Variants in MSANTD4 observed in about 807,000 individuals in gnomAD.
MSANTD4 encodes Myb/SANT DNA binding domain containing 4 with coiled-coils.
MSANTD4 carries 13 observed loss-of-function variants against 34.3 expected under a neutral mutation model. The observed-to-expected ratio is 0.38, with a 90% CI of 0.25 to 0.60. The LOEUF is 0.60. Among genes scored for constraint, MSANTD4 ranks in the 20% least tolerant of loss-of-function variants. MSANTD4 has a pLI of 0.63. For synonymous variants in MSANTD4, 137 were observed against 145.2 expected, an observed-to-expected ratio of 0.94 and a Z score of 0.41; for missense variants, 358 against 401.8, an observed-to-expected ratio of 0.89 and a Z score of 0.93.
chr11:106,009,030 A>G lies in MSANTD4; in HGVS notation c.*505T>C, dbSNP rs567989487. 6.5e-6 allele frequency: 1 copy of G among 153,396 alleles called. No individual in the cohort carries two copies. The highest frequency in any genetic ancestry group is 6.5e-5 in the Admixed American group (1 of 15,422). 9.5% of individuals were successfully genotyped at this position (153,396 alleles called of 1,614,324 possible). On this transcript the variant is annotated 3_prime_UTR_variant, in exon 3 of 3. Coordinates refer to ENST00000301919, the MANE Select transcript of MSANTD4 (RefSeq NM_032424.3). ...AACTATAAAACATAGCTATAGAGGT[A>G]CACAGTTAGGCTAGGACAGGGTTTC...
At position 106,009,379 on chromosome 11, in the gene MSANTD4, A is replaced by G; in HGVS notation, c.*156T>C. The G allele has an allele frequency of 3.0e-6, 2 of 663,972 alleles. No individual in the cohort carries two copies. The highest frequency in any genetic ancestry group is 5.1e-6 in the Non-Finnish European group (2 of 394,406). 41.1% of individuals were successfully genotyped at this position (663,972 alleles called of 1,614,324 possible). A position where few individuals can be genotyped will look rare whatever the true frequency, so the allele number is the denominator to read the frequency against. On this transcript the variant is annotated 3_prime_UTR_variant, in exon 3 of 3. Transcript: ENST00000301919. Reference sequence around the variant, plus strand: ...TTACGCTAGGGCACAGCTTTTATATACTACTTAGGCATACAGTTATCCACA... The same window carrying G: ...TTACGCTAGGGCACAGCTTTTATATGCTACTTAGGCATACAGTTATCCACA...
intron 1 of MSANTD4, among the ~76,000 whole-genome samples, chr11:106,011,984 T>G (rs1468598040): frequency 6.6e-6 from 1 of 152,134 alleles, no homozygotes; most frequent in African/African-American, 2.4e-5. Context: ...ACAGAAATCC[T>G]AAATTTCGAA....
At chr11:106,017,653 G>C (rs1859890989) in intron 1 of MSANTD4, among the ~76,000 whole-genome samples, 1 of 151,804 alleles carries the variant, frequency 6.6e-6, no homozygotes, top group Non-Finnish European at 1.5e-5. Context: ...AAATATTTAT[G>C]GACAAATTAT....
chr11:106,012,965 T>C (rs1238346916), intron 1 of MSANTD4, among the ~76,000 whole-genome samples: 3 of 152,186 alleles, frequency 2.0e-5, no homozygotes, highest in East Asian at 3.9e-4. Context: ...AGATGGTGAG[T>C]GAGTCAGGGA....
chr11:106,017,173 A>G (rs966097214), intron 1 of MSANTD4, among the ~76,000 whole-genome samples: 1 of 152,252 alleles, frequency 6.6e-6, no homozygotes, highest in African/African-American at 2.4e-5. Flanking sequence ...GTCTTAGCAC[A>G]TAATCCCCAC....
chr11:106,012,338 C>T (rs1859721513), intron 1 of MSANTD4, among the ~76,000 whole-genome samples: 1 of 152,130 alleles, frequency 6.6e-6, no homozygotes, highest in Non-Finnish European at 1.5e-5. Flanking sequence ...CAAAACCAGG[C>T]TGGACTATAT....
At chr11:106,016,106 C>A (rs1859838225) in intron 1 of MSANTD4, among the ~76,000 whole-genome samples, 1 of 152,168 alleles carries the variant, frequency 6.6e-6, no homozygotes, top group South Asian at 2.1e-4. Context: ...GATCCTCCTG[C>A]CTTAGCCTCC....
chr11:106,012,414 T>C (rs1859723591), intron 1 of MSANTD4, among the ~76,000 whole-genome samples: 2 of 152,222 alleles, frequency 1.3e-5, no homozygotes, highest in South Asian at 4.1e-4. Flanking sequence ...CAGTACTTTG[T>C]ATTTTTCTGG....
At chr11:106,013,964 T>C (rs1439135938) in intron 1 of MSANTD4, among the ~76,000 whole-genome samples, 3 of 152,230 alleles carry the variant, frequency 2.0e-5, no homozygotes, top group Non-Finnish European at 4.4e-5. Context: ...AAGGTCCAGA[T>C]AAAATTCTTT....
At chr11:106,012,279 C>T (rs1471418002) in intron 1 of MSANTD4, among the ~76,000 whole-genome samples, 2 of 152,096 alleles carry the variant, frequency 1.3e-5, no homozygotes, top group East Asian at 3.9e-4. Flanking sequence ...CAAAGCTCAC[C>T]CCATCCTCCC....
intron 1 of MSANTD4, among the ~76,000 whole-genome samples, chr11:106,020,374 C>T (rs1317415216): frequency 1.3e-5 from 2 of 152,102 alleles, no homozygotes; most frequent in African/African-American, 4.8e-5. Context: ...CTGAAAGAGA[C>T]AAATATAACT....
chr11:106,012,635 C>T (rs1310411054), intron 1 of MSANTD4, among the ~76,000 whole-genome samples: 1 of 152,106 alleles, frequency 6.6e-6, no homozygotes, highest in Non-Finnish European at 1.5e-5. Context: ...AGAGGGTGTA[C>T]CTGAAACTTG....
chr11:106,010,874 T>C lies in MSANTD4; in HGVS notation c.44A>G (p.Gln15Arg), dbSNP rs749116524. Residue 15 changes from glutamine to arginine, a missense_variant, in exon 2 of 3, where the codon CAA (glutamine) becomes CGA (arginine). This residue lies in a region of MSANTD4 where 46 missense variants were observed against 84.3 expected (regional missense o/e 0.55). Transcript: ENST00000301919. ...TTCTTTCAAAAGGGTCTGAGTTTCT[T>C]GAACACTAAAATTGCTTTTCCTTTT... Reference protein sequence around the residue: ...KRKRKSNFSVQETQTLLKEIT... With the variant: ...KRKRKSNFSVRETQTLLKEIT... The C allele has an allele frequency of 3.7e-6, 6 of 1,608,476 alleles. No homozygotes were observed.
intron 1 of MSANTD4, among the ~76,000 whole-genome samples, chr11:106,019,662 G>C (rs1361753298): frequency 6.6e-6 from 1 of 152,080 alleles, no homozygotes; most frequent in Non-Finnish European, 1.5e-5. Context: ...TCCTCCCTAT[G>C]TGCTTCCACT....
chr11:106,011,880 A>G (rs1470113718), intron 1 of MSANTD4, among the ~76,000 whole-genome samples: 3 of 152,238 alleles, frequency 2.0e-5, no homozygotes, highest in African/African-American at 7.2e-5. Flanking sequence ...CTCAGAAACC[A>G]ATTTGAGACA....
rs752235602 is a variant in MSANTD4, at chr11:106,009,590, C to T, written c.983G>A (p.Arg328His). The change falls in exon 3 of 3, where the codon CGC (arginine) becomes CAC (histidine). Residue 328 changes from arginine (R) to histidine (H), a missense_variant. By Grantham distance (29) the Arg-to-His change is conservative. This residue lies in a region of MSANTD4 where 312 missense variants were observed against 317.6 expected (regional missense o/e 0.98). Coordinates refer to ENST00000301919, the MANE Select transcript of MSANTD4 (RefSeq NM_032424.3). ...AAGTCTGTCTTTCTCTACCTGTAAG[C>T]GTTCCTTTTCAATCTGCAGCTTCTC... ...ESEKLQIEKE[R>H]LQVEKDRLRI... 1.9e-6 allele frequency: 3 copies of T among 1,614,012 alleles called. No individual in the cohort carries two copies. The highest frequency in any genetic ancestry group is 2.5e-6 in the Non-Finnish European group (3 of 1,179,970).
At chr11:106,019,834 T>A (rs1859976228) in intron 1 of MSANTD4, among the ~76,000 whole-genome samples, 1 of 152,244 alleles carries the variant, frequency 6.6e-6, no homozygotes, top group Non-Finnish European at 1.5e-5. Flanking sequence ...AGGTTGTGAA[T>A]ACAGACTACC....
At position 106,011,045 on chromosome 11, in the gene MSANTD4, T is replaced by C. The variant is rs1859676342; in HGVS notation, c.-128A>G. 6 of 1,415,550 alleles carry C rather than the reference T, an allele frequency of 4.2e-6. No individual in the cohort carries two copies. Among genetic ancestry groups the C allele is most frequent in the Non-Finnish European group, 4.6e-6 (5 of 1,086,712 alleles). 87.7% of individuals were successfully genotyped at this position (1,415,550 alleles called of 1,614,324 possible). A position where few individuals can be genotyped will look rare whatever the true frequency, so the allele number is the denominator to read the frequency against. On this transcript the variant is annotated 5_prime_UTR_variant, in exon 2 of 3. Coordinates refer to ENST00000301919, the MANE Select transcript of MSANTD4 (RefSeq NM_032424.3). ...AAATCATTGTCTTCCATTCATCTAG[T>C]GGCAAGGCAGTCTGGATAATTCCTA...
intron 1 of MSANTD4, among the ~76,000 whole-genome samples, chr11:106,015,450 A>G (rs188931161): frequency 3.9e-5 from 6 of 152,356 alleles, no homozygotes; most frequent in Admixed American, 3.3e-4. Context: ...AATAACTTTG[A>G]CAAAAGGAAA....
Sources: allele counts gnomAD v4.1 joint callset (sites outside exome capture counted in the v4.1 genomes callset), GRCh38; gene constraint gnomAD v4.1.1; regional missense constraint gnomAD v4.1.1; transcripts MANE v1.5; gene names NCBI Gene and HGNC (gene_info 2026-07-23, HGNC 2026-07-21).